The following CAST variants were observed in gnomAD, a reference collection of about 807,000 sequenced individuals.
CAST encodes the protein MIR583 host.
In CAST, 76 loss-of-function variants were observed where a neutral mutation model predicts 119.6. The observed-to-expected ratio is 0.64, with a 90% CI of 0.53 to 0.77. The LOEUF (loss-of-function observed/expected upper bound fraction) is 0.77, where lower values mean the gene tolerates loss of function less well. Among genes scored for constraint, CAST ranks in the 30% least tolerant of loss-of-function variants. CAST has a pLI of 0.00. For missense variants in CAST, 953 were observed against 946.5 expected (o/e 1.01, Z -0.09); for synonymous variants, 319 against 331.6 (o/e 0.96, Z 0.41).
intron 3 of CAST, among the ~76,000 whole-genome samples, chr5:96,708,085 C>G (rs1755386997): frequency 2.6e-5 from 4 of 152,172 alleles, no homozygotes. Context: ...TTATATGACT[C>G]CATTACTATG....
the CAST span, among the ~76,000 whole-genome samples, chr5:96,426,926 A>G: frequency 6.6e-6 from 1 of 152,252 alleles, no homozygotes; most frequent in Non-Finnish European, 1.5e-5. Flanking sequence ...AGAACCTGAA[A>G]GCTAGAAATT....
At chr5:96,319,341 T>TC in the CAST span, among the ~76,000 whole-genome samples, 1 of 152,148 alleles carries the variant, frequency 6.6e-6, no homozygotes, top group African/African-American at 2.4e-5. Flanking sequence ...GGGATGCACA[T>TC]CCAAACCATA....
the CAST span, among the ~76,000 whole-genome samples, chr5:96,477,592 G>T: frequency 6.6e-6 from 1 of 152,120 alleles, no homozygotes; most frequent in African/African-American, 2.4e-5. Flanking sequence ...GTACTCCTAG[G>T]ACATTATATT....
the CAST span, among the ~76,000 whole-genome samples, chr5:96,346,774 G>C: frequency 3.3e-5 from 5 of 152,054 alleles, no homozygotes; most frequent in Non-Finnish European, 5.9e-5. Context: ...CACCTGTTCT[G>C]TGACCCCCAT....
chr5:96,313,457 C>A, the CAST span, among the ~76,000 whole-genome samples: 1 of 152,108 alleles, frequency 6.6e-6, no homozygotes, highest in Admixed American at 6.5e-5. Flanking sequence ...AGTCTGGCTT[C>A]TTCCACTTAG....
intron 2 of CAST, among the ~76,000 whole-genome samples, chr5:96,694,614 G>A (rs1340933178): frequency 6.6e-6 from 1 of 152,152 alleles, no homozygotes; most frequent in Non-Finnish European, 1.5e-5. Flanking sequence ...CTGGGTGACA[G>A]AGCGAGACTC....
intron 1 of CAST, chr5:96,584,655 C>T (rs1046054606): frequency 6.6e-5 from 10 of 152,138 alleles, no homozygotes; most frequent in African/African-American, 2.4e-4. Context: ...GCAGCCTTCA[C>T]CTCTAGGGAT....
At chr5:96,444,440 C>A in the CAST span, among the ~76,000 whole-genome samples, 1 of 152,206 alleles carries the variant, frequency 6.6e-6, no homozygotes, top group Non-Finnish European at 1.5e-5. Flanking sequence ...TTATCTCAAG[C>A]TGTACAATCT....
At chr5:96,507,562 T>C in the CAST span, among the ~76,000 whole-genome samples, 1 of 152,164 alleles carries the variant, frequency 6.6e-6, no homozygotes, top group African/African-American at 2.4e-5. Context: ...GTTGAGCCCT[T>C]TCTGAATATT....
chr5:96,515,090 G>A, the CAST span, among the ~76,000 whole-genome samples: 1 of 152,030 alleles, frequency 6.6e-6, no homozygotes, highest in Non-Finnish European at 1.5e-5. Context: ...CTTTTTCTGT[G>A]GTAGAGATTG....
At chr5:96,581,111 C>G (rs1423265303) in intron 1 of CAST, among the ~76,000 whole-genome samples, 3 of 152,196 alleles carry the variant, frequency 2.0e-5, no homozygotes, top group African/African-American at 7.2e-5. Flanking sequence ...TTTACAGCAG[C>G]CTGAAAGGCT....
chr5:96,380,487 C>T, the CAST span, among the ~76,000 whole-genome samples: 24 of 152,054 alleles, frequency 1.6e-4, no homozygotes, highest in Middle Eastern at 0.01. Flanking sequence ...GCTTTTTCAT[C>T]GAACATCATT....
the CAST span, among the ~76,000 whole-genome samples, chr5:96,403,789 C>G: frequency 6.6e-6 from 1 of 152,196 alleles, no homozygotes; most frequent in Admixed American, 6.5e-5. Context: ...ATTTTTCTAA[C>G]TTGGACTTTC....
chr5:96,534,777 GAAAGAAAGAAAGAAAGAAAGAAAGAAGA>G (rs1745765762), intron 1 of CAST, among the ~76,000 whole-genome samples: 3 of 115,814 alleles, frequency 2.6e-5, no homozygotes, highest in Non-Finnish European at 3.6e-5. Flanking sequence ...AAGAAAGAAA[GAAAGAAAGAAAGAAAGAAAGAAAGAAGA>G]AAGAAAGAAA....
At chr5:96,365,502 G>T in the CAST span, among the ~76,000 whole-genome samples, 1 of 152,150 alleles carries the variant, frequency 6.6e-6, no homozygotes, top group African/African-American at 2.4e-5. Context: ...ATGAATCTGG[G>T]TGCTCTTGTA....
At position 96,666,183 on chromosome 5, in the gene CAST, G is replaced by T. The variant is rs74707053; in HGVS notation, c.75+3686G>T. ...CACCTATAAAGCTAGTCAGTGAAAC[G>T]TTGCAATGTATATTTCCACATTGAA... On this transcript the variant is annotated intron_variant, in intron 1 of 31. Coordinates refer to ENST00000675179, the MANE Select transcript of CAST (RefSeq NM_001750.7). Among the ~76,000 whole-genome samples, 1,321 of 151,982 alleles carry T rather than the reference G, an allele frequency of 8.7e-3. 20 individuals carry two copies. The highest frequency in any genetic ancestry group is 0.03 in the African/African-American group (1,264 of 41,444).
At chr5:96,723,749 C>G (rs1041556220) in intron 4 of CAST, among the ~76,000 whole-genome samples, 1 of 152,202 alleles carries the variant, frequency 6.6e-6, no homozygotes, top group African/African-American at 2.4e-5. Flanking sequence ...TCAAAATTCT[C>G]TCAACTAATG....
the CAST span, among the ~76,000 whole-genome samples, chr5:96,389,884 A>G: frequency 6.6e-6 from 1 of 152,076 alleles, no homozygotes; most frequent in Non-Finnish European, 1.5e-5. Flanking sequence ...GCAGTGAGCC[A>G]TGATCATGCC....
At chr5:96,401,086 CAAAAAA>C in the CAST span, among the ~76,000 whole-genome samples, 19 of 70,574 alleles carry the variant, frequency 2.7e-4, no homozygotes, top group African/African-American at 9.4e-4. Flanking sequence ...GACTCCGTCT[CAAAAAA>C]AAAAAAAAAA....
Sources: gnomAD v4.1 joint callset for allele counts (sites outside exome capture counted in the v4.1 genomes callset) on GRCh38, gnomAD v4.1.1 for gene constraint, MANE v1.5 for transcripts, NCBI Gene and HGNC (gene_info 2026-07-23, HGNC 2026-07-21) for gene names.